The following CCNJL variants were observed in gnomAD, a reference collection of about 807,000 sequenced individuals.
CCNJL encodes cyclin-J-like protein.
In CCNJL, 33 loss-of-function variants were observed where a neutral mutation model predicts 33.4. The ratio of observed to expected loss-of-function variants is 0.99; its 90% CI spans 0.75 to 1.32. The LOEUF is 1.32. Among genes scored for constraint, CCNJL ranks in the 40% most tolerant of loss-of-function variants. The pLI, the probability that CCNJL is intolerant of heterozygous loss-of-function variation, is 0.00. For missense variants in CCNJL, 512 were observed against 499.7 expected, an observed-to-expected ratio of 1.02 and a Z score of -0.23; for synonymous variants, 227 against 220.9, an observed-to-expected ratio of 1.03 and a Z score of -0.24.
chr5:160,334,481 T>C (rs1472664688), intron 1 of CCNJL, among the ~76,000 whole-genome samples: 1 of 152,190 alleles, frequency 6.6e-6, no homozygotes, highest in East Asian at 1.9e-4. Flanking sequence ...CCATTATAGG[T>C]GCCTGACATA....
At chr5:160,266,595 C>A (rs1381047108) in intron 3 of CCNJL, among the ~76,000 whole-genome samples, 1 of 152,168 alleles carries the variant, frequency 6.6e-6, no homozygotes, top group Non-Finnish European at 1.5e-5. Flanking sequence ...AAACCCACAC[C>A]TCATAGGGCA....
intron 3 of CCNJL, 85 bp from the exon 4 acceptor site, chr5:160,259,856 A>G: frequency 8.9e-7 from 1 of 1,122,190 alleles, no homozygotes; most frequent in East Asian, 2.4e-5. Flanking sequence ...CAGTGCCTGG[A>G]CATTGCTGGC....
intron 1 of CCNJL, chr5:160,327,115 G>T (rs1763547613): frequency 1.5e-5 from 4 of 266,184 alleles, no homozygotes; most frequent in South Asian, 3.8e-5. Context: ...GGGATTGTTT[G>T]TATTTAAAAA....
At chr5:160,322,634 G>A (rs1395421190) in intron 1 of CCNJL, among the ~76,000 whole-genome samples, 3 of 152,194 alleles carry the variant, frequency 2.0e-5, no homozygotes, top group Non-Finnish European at 2.9e-5. Flanking sequence ...TCGGCTGGGC[G>A]CGGTGGCTCA....
intron 3 of CCNJL, chr5:160,261,186 T>C (rs1486541568): frequency 1.3e-5 from 2 of 152,136 alleles, no homozygotes; most frequent in African/African-American, 2.4e-5. Context: ...ATACAACACA[T>C]TCCTGAGGAC....
At chr5:160,338,675 T>C (rs1013088886) in intron 1 of CCNJL, among the ~76,000 whole-genome samples, 1 of 152,220 alleles carries the variant, frequency 6.6e-6, no homozygotes, top group African/African-American at 2.4e-5. Flanking sequence ...TCTTGGCCCA[T>C]GAGATCTCAG....
chr5:160,313,521 T>C (rs1342167523), upstream of CCNJL, among the ~76,000 whole-genome samples: 1 of 152,222 alleles, frequency 6.6e-6, no homozygotes, highest in East Asian at 1.9e-4. Context: ...CTGACTGCTT[T>C]CCTGCACATA....
chr5:160,266,108 C>T (rs112598193), intron 3 of CCNJL, among the ~76,000 whole-genome samples: 3 of 152,336 alleles, frequency 2.0e-5, no homozygotes, highest in Admixed American at 6.5e-5. Context: ...GATCAAGGAC[C>T]GCCCAGTGGT....
intron 2 of CCNJL, among the ~76,000 whole-genome samples, chr5:160,284,954 G>A (rs1762357205): frequency 6.6e-6 from 1 of 151,920 alleles, no homozygotes; most frequent in Non-Finnish European, 1.5e-5. Flanking sequence ...GCTGGGCACG[G>A]TGGCTCACAC....
intron 3 of CCNJL, among the ~76,000 whole-genome samples, chr5:160,272,755 A>G (rs1761881920): frequency 6.6e-6 from 1 of 152,154 alleles, no homozygotes; most frequent in African/African-American, 2.4e-5. Flanking sequence ...TTGAGTTAAA[A>G]CTTCTGTAAG....
upstream of CCNJL, chr5:160,315,338 C>T (rs1329653066): frequency 4.6e-6 from 1 of 216,560 alleles, no homozygotes; most frequent in Non-Finnish European, 1.0e-5. Flanking sequence ...CACACACACA[C>T]ACACACACAC....
intron 2 of CCNJL, among the ~76,000 whole-genome samples, chr5:160,297,017 G>A (rs1291960830): frequency 1.3e-5 from 2 of 152,174 alleles, no homozygotes; most frequent in African/African-American, 2.4e-5. Flanking sequence ...CCTACTGGAA[G>A]GAGTTGCCTG....
At chr5:160,331,431 A>G (rs1763607163) in intron 1 of CCNJL, among the ~76,000 whole-genome samples, 1 of 151,466 alleles carries the variant, frequency 6.6e-6, no homozygotes, top group African/African-American at 2.4e-5. Context: ...TCACTGTGTT[A>G]GCCAGGATGG....
At chr5:160,263,882 A>C (rs1367842953) in intron 3 of CCNJL, among the ~76,000 whole-genome samples, 1 of 151,682 alleles carries the variant, frequency 6.6e-6, no homozygotes, top group Non-Finnish European at 1.5e-5. Flanking sequence ...CATTCCATCT[A>C]CATTTTTCTT....
intron 1 of CCNJL, chr5:160,327,034 G>T (rs1763546932): frequency 7.2e-6 from 3 of 415,580 alleles, no homozygotes; most frequent in Non-Finnish European, 1.4e-5. Flanking sequence ...GATGTTTTTT[G>T]TCCAATATGA....
intron 2 of CCNJL, among the ~76,000 whole-genome samples, chr5:160,303,852 G>A (rs1763008106): frequency 6.6e-6 from 1 of 152,082 alleles, no homozygotes. Context: ...CTTTACCCGA[G>A]GGACTGTGTG....
intron 3 of CCNJL, among the ~76,000 whole-genome samples, chr5:160,274,135 C>T (rs1320859102): frequency 6.6e-6 from 1 of 152,002 alleles, no homozygotes; most frequent in East Asian, 1.9e-4. Context: ...TCTCACTTTA[C>T]AAGTGAGTAT....
At position 160,249,790 on chromosome 5, in the gene CCNJL, AAATAAATAAAT is replaced by A. The variant is rs939257251; in HGVS notation, c.*3577_*3587del. 7.2e-5 allele frequency: 10 copies of A among 139,432 alleles called. No individual in the cohort carries two copies. Among genetic ancestry groups the A allele is most frequent in the African/African-American group, 2.5e-4 (10 of 39,960 alleles). The allele number at this position is 139,432 out of a possible 1,614,324, so 8.6% of individuals were successfully genotyped here. On this transcript the variant is annotated 3_prime_UTR_variant, in exon 6 of 6. Transcript: ENST00000257536. ...AAAATAAATAAATAAATAAATAAAT[AAATAAATAAAT>A]AAATAAAATAAAAATTTAAAAAATC...
intron 1 of CCNJL, among the ~76,000 whole-genome samples, chr5:160,339,259 TTA>T (rs200426284): frequency 1.8e-5 from 2 of 111,168 alleles, no homozygotes; most frequent in African/African-American, 3.1e-5. Flanking sequence ...TATATATAAT[TTA>T]TATATATATA....
Sources: gnomAD v4.1 joint callset for allele counts (sites outside exome capture counted in the v4.1 genomes callset) on GRCh38, gnomAD v4.1.1 for gene constraint, MANE v1.5 for transcripts, NCBI Gene and HGNC (gene_info 2026-07-23, HGNC 2026-07-21) for gene names.